Variants in SH3GL2 observed in about 807,000 individuals in gnomAD.
SH3GL2 encodes the protein SH3 domain containing GRB2 like 2, endophilin A1.
In SH3GL2, 24 loss-of-function variants were observed where a neutral mutation model predicts 46.0. The ratio of observed to expected loss-of-function variants is 0.52; its 90% CI spans 0.38 to 0.73. SH3GL2 has a LOEUF of 0.73. Among genes scored for constraint, SH3GL2 ranks in the 30% least tolerant of loss-of-function variants. The pLI is 0.00. For synonymous variants in SH3GL2, 196 were observed against 147.1 expected (o/e 1.33, Z -2.40); for missense variants, 413 against 424.2 (o/e 0.97, Z 0.23).
intron 7 of SH3GL2, among the ~76,000 whole-genome samples, chr9:17,792,880 A>G (rs1824173224): frequency 6.6e-6 from 1 of 152,208 alleles, no homozygotes; most frequent in Non-Finnish European, 1.5e-5. Context: ...TCTCCCTTAC[A>G]GACCATAATC....
In SH3GL2 at chr9:17,720,530, A is replaced by T. The variant is rs1040570101; in HGVS notation, c.46-26536A>T. ...ATCTGCCTTATTTGGACATGGTTTG[A>T]ACAGTTGGCAGCGCTTATTGGCTGA... On this transcript the variant is annotated intron_variant, in intron 1 of 8. Transcript: ENST00000380607. Among the ~76,000 whole-genome samples the T allele has an allele frequency of 2.0e-5, 3 of 152,012 alleles. No homozygotes were observed. The East Asian group carries it at 5.8e-4, about 29-fold the overall frequency.
intron 1 of SH3GL2, among the ~76,000 whole-genome samples, chr9:17,605,506 A>G (rs1266997800): frequency 6.6e-6 from 1 of 152,142 alleles, no homozygotes; most frequent in Non-Finnish European, 1.5e-5. Flanking sequence ...ATAAAGGGTA[A>G]TGAAATGCTG....
chr9:17,583,345 G>C (rs1276267987), intron 1 of SH3GL2, among the ~76,000 whole-genome samples: 1 of 152,170 alleles, frequency 6.6e-6, no homozygotes, highest in East Asian at 1.9e-4. Flanking sequence ...GCCTTTAGGA[G>C]GTGACTAAGT....
intron 1 of SH3GL2, among the ~76,000 whole-genome samples, chr9:17,656,801 T>G (rs528656848): frequency 2.7e-4 from 41 of 150,020 alleles, no homozygotes; most frequent in African/African-American, 9.5e-4. Context: ...AAAAGGCTTT[T>G]CTATGGGATT....
chr9:17,778,568 A>G (rs1400437666), intron 3 of SH3GL2, among the ~76,000 whole-genome samples: 3 of 152,144 alleles, frequency 2.0e-5, no homozygotes, highest in African/African-American at 4.8e-5. Flanking sequence ...GTGGGAACAC[A>G]TTAAAGTGCT....
rs111475428 is a variant in SH3GL2 at position 17,641,306 on chromosome 9, A to C, written c.45+62019A>C. Among the ~76,000 whole-genome samples the C allele has an allele frequency of 3.3e-3, 499 of 152,314 alleles. 6 individuals are homozygous for C. Among genetic ancestry groups the C allele is most frequent in the African/African-American group, 0.011 (477 of 41,572 alleles). ...TGTATGTTGCTTATGGTAGCAGCTC[A>C]AGGGACAGATGTATGAATGAGAGCA... On this transcript the variant is annotated intron_variant, in intron 1 of 8. Transcript: ENST00000380607.
chr9:17,709,680 TACAC>T (rs3837228), intron 1 of SH3GL2, among the ~76,000 whole-genome samples: 35,596 of 147,798 alleles, frequency 0.24, 4,258 homozygotes, highest in East Asian at 0.29. Flanking sequence ...TTATTTGTAT[TACAC>T]ACACACACAC....
chr9:17,666,578 G>GTGTGTGTGTATA (rs144961549), intron 1 of SH3GL2, among the ~76,000 whole-genome samples: 25 of 148,238 alleles, frequency 1.7e-4, no homozygotes, highest in Admixed American at 6.8e-4. Flanking sequence ...GTGTGTGTGT[G>GTGTGTGTGTATA]TATATACATT....
At chr9:17,724,809 A>G (rs1284813820) in intron 1 of SH3GL2, among the ~76,000 whole-genome samples, 4 of 151,978 alleles carry the variant, frequency 2.6e-5, no homozygotes, top group African/African-American at 9.7e-5. Context: ...TCCCTGCTCA[A>G]ATTTGTTTCT....
chr9:17,592,190 G>C (rs1336444491), intron 1 of SH3GL2, among the ~76,000 whole-genome samples: 3 of 152,152 alleles, frequency 2.0e-5, no homozygotes, highest in Admixed American at 6.5e-5. Flanking sequence ...GATGTCCAAG[G>C]GCAGGAGAAG....
At chr9:17,652,703 C>T (rs959200123) in intron 1 of SH3GL2, among the ~76,000 whole-genome samples, 4 of 152,130 alleles carry the variant, frequency 2.6e-5, no homozygotes, top group Non-Finnish European at 5.9e-5. Flanking sequence ...AGGAAATGCT[C>T]ATTGGAGCAT....
chr9:17,792,442 C>T lies in SH3GL2; in HGVS notation c.729-925C>T, dbSNP rs117971057. ...CTACAGTTACCATACCCTAAACCCT[C>T]GCCCTCCCTTGCATATCTCTTACAT... On this transcript the variant is annotated intron_variant, in intron 7 of 8. Coordinates refer to ENST00000380607, the MANE Select transcript of SH3GL2 (RefSeq NM_003026.5). Among the ~76,000 whole-genome samples, 1,268 of 152,274 alleles carry T rather than the reference C, an allele frequency of 8.3e-3. 14 individuals carry two copies. Among genetic ancestry groups the T allele is most frequent in the South Asian group, 0.038 (183 of 4,820 alleles).
chr9:17,613,613 C>G (rs1008925776), intron 1 of SH3GL2, among the ~76,000 whole-genome samples: 4 of 152,114 alleles, frequency 2.6e-5, no homozygotes, highest in Non-Finnish European at 4.4e-5. Flanking sequence ...GTGTTTTCCT[C>G]TAGTTACGTG....
rs540851891 is a variant in SH3GL2 at position 17,694,843 on chromosome 9, G to C, written c.46-52223G>C. Reference sequence around the variant, plus strand: ...AGAGAGCCTACTAAAACCTTCACAAGTGGGGGCTTACAGACTAGAGTTTTA... The same window carrying C: ...AGAGAGCCTACTAAAACCTTCACAACTGGGGGCTTACAGACTAGAGTTTTA... On this transcript the variant is annotated intron_variant, in intron 1 of 8. Coordinates refer to ENST00000380607, the MANE Select transcript of SH3GL2 (RefSeq NM_003026.5). Among the ~76,000 whole-genome samples the C allele has an allele frequency of 2.0e-5, 3 of 152,280 alleles. No homozygotes were observed. The East Asian group carries it at 5.8e-4, about 29-fold the overall frequency.
intron 1 of SH3GL2, among the ~76,000 whole-genome samples, chr9:17,643,445 G>C (rs145886104): frequency 6.6e-6 from 1 of 151,984 alleles, no homozygotes; most frequent in Admixed American, 6.6e-5. Flanking sequence ...GTGAGATGTT[G>C]AATAGGAGTT....
intron 1 of SH3GL2, among the ~76,000 whole-genome samples, chr9:17,723,721 T>A (rs1020404951): frequency 6.6e-6 from 1 of 152,098 alleles, no homozygotes; most frequent in African/African-American, 2.4e-5. Context: ...TTCTGCTACC[T>A]ATGAAGACTT....
At chr9:17,689,996 G>T (rs1821030119) in intron 1 of SH3GL2, among the ~76,000 whole-genome samples, 1 of 152,112 alleles carries the variant, frequency 6.6e-6, no homozygotes, top group South Asian at 2.1e-4. Flanking sequence ...TCATGTGAAT[G>T]AAAGAATTCT....
chr9:17,714,232 C>T (rs1588266656), intron 1 of SH3GL2, among the ~76,000 whole-genome samples: 5 of 151,568 alleles, frequency 3.3e-5, no homozygotes, highest in Admixed American at 3.3e-4. Context: ...TTTTCCTAAC[C>T]TATTAGTATC....
chr9:17,682,274 G>A (rs535329807), intron 1 of SH3GL2, among the ~76,000 whole-genome samples: 10 of 152,046 alleles, frequency 6.6e-5, no homozygotes, highest in South Asian at 4.2e-4. Context: ...TGTTTTTTGC[G>A]TATTATTTTC....
Sources: gnomAD v4.1 joint callset for allele counts (sites outside exome capture counted in the v4.1 genomes callset) on GRCh38, gnomAD v4.1.1 for gene constraint, MANE v1.5 for transcripts, NCBI Gene and HGNC (gene_info 2026-07-23, HGNC 2026-07-21) for gene names.